Variants in KDM5C observed in about 807,000 individuals in gnomAD.
The protein encoded by KDM5C is lysine-specific demethylase 5C.
In KDM5C, 16 loss-of-function variants were observed where a neutral mutation model predicts 110.6. The observed-to-expected ratio is 0.14, with a 90% CI of 0.10 to 0.22. KDM5C has a LOEUF of 0.22. Ranked by LOEUF, KDM5C falls within the 10% of genes least tolerant of loss-of-function variation. The probability of loss-of-function intolerance (pLI) is 1.00; values close to 1 mark genes in which losing one functional copy is unlikely to be tolerated. For synonymous variants in KDM5C, 511 were observed against 520.4 expected, an observed-to-expected ratio of 0.98 and a Z score of 0.24; for missense variants, 681 against 1,300.9, an observed-to-expected ratio of 0.52 and a Z score of 7.33.
chrX:53,212,275 A>T, intron 8 of KDM5C: 1 of 179,736 alleles, frequency 5.6e-6, no homozygotes, highest in South Asian at 1.2e-4. Flanking sequence ...TTCTTCTGCC[A>T]CCATTTTTCC....
At chrX:53,183,262 CAAAAAAA>C (rs3045214) in intron 25 of KDM5C, among the ~76,000 whole-genome samples, 3 of 43,556 alleles carry the variant, frequency 6.9e-5, no homozygotes, top group African/African-American at 2.8e-4. Context: ...CCTGTCTCTA[CAAAAAAA>C]AAAAAAAAAA....
chrX:53,195,179 G>C (rs2146827654), intron 21 of KDM5C, 52 bp downstream of exon 21: 2 of 1,177,355 alleles, frequency 1.7e-6, no homozygotes. Context: ...CCATCTCACA[G>C]AAGCCAGGGC....
downstream of KDM5C, among the ~76,000 whole-genome samples, chrX:53,189,016 A>G (rs782779284): frequency 1.4e-4 from 16 of 112,479 alleles, 1 homozygote; most frequent in South Asian, 5.2e-3. Context: ...TGAGACCCTG[A>G]AACAGAAACT....
chrX:53,192,686 C>T lies in KDM5C; in HGVS notation c.*281G>A. ...GTGATGGCCCAGCCCCAGCCACCCCCCTGCCCACCAGCCCATCCATCTATC... is the reference window on the plus strand; with the variant it reads ...GTGATGGCCCAGCCCCAGCCACCCCTCTGCCCACCAGCCCATCCATCTATC... On this transcript the variant is annotated 3_prime_UTR_variant, in exon 26 of 26. Coordinates refer to ENST00000375401, the MANE Select transcript of KDM5C (RefSeq NM_004187.5). 1.8e-6 allele frequency: 2 copies of T among 1,137,781 alleles called. No individual in the cohort carries two copies. Among genetic ancestry groups the T allele is most frequent in the Admixed American group, 5.2e-5 (2 of 38,584 alleles). The allele number at this position is 1,137,781 out of a possible 1,213,427, so 93.8% of individuals were successfully genotyped here. A position where few individuals can be genotyped will look rare whatever the true frequency, so the allele number is the denominator to read the frequency against.
Position 53,217,847 on chromosome X carries a change from G to A in KDM5C, c.471C>T (p.Tyr157=), listed in dbSNP as rs782147874. Residue 157 remains tyrosine, a synonymous_variant, in exon 4 of 26, where the codon TAC becomes TAT. Coordinates refer to ENST00000375401, the MANE Select transcript of KDM5C (RefSeq NM_004187.5). ...TTTCATAGGGATAAACAATGCGTTC[G>A]TAGTGGGAGCGTAGCAAGGAGCCAA... is the stretch of plus-strand genomic sequence containing the variant. ...KNIGSLLRSH[Y]ERIVYPYEMY... The A allele has an allele frequency of 2.6e-5, 31 of 1,209,854 alleles. No homozygotes were observed. The highest frequency in any genetic ancestry group is 1.5e-4 in the East Asian group (5 of 33,763).
At chrX:53,185,140 C>A in intron 25 of KDM5C, among the ~76,000 whole-genome samples, 1 of 112,314 alleles carries the variant, frequency 8.9e-6, no homozygotes, top group Admixed American at 9.4e-5. Context: ...GGTCATTAAA[C>A]TTGTTTCCTC....
intron 22 of KDM5C, 78 bp from the exon 23 acceptor site, chrX:53,194,816 A>C (rs1934707086): frequency 1.7e-6 from 2 of 1,175,228 alleles, no homozygotes; most frequent in African/African-American, 1.9e-5. Flanking sequence ...TAACACCCCC[A>C]CTCCCAAACC....
chrX:53,210,988 T>C lies in KDM5C; in HGVS notation c.1402-131A>G. ...CTTTTTTGAAACATCTTAAGAAACA[T>C]ATAGGTTTTCTCCCTACCTCTCCAC... On this transcript the variant is annotated intron_variant, in intron 10 of 25. Coordinates refer to ENST00000375401, the MANE Select transcript of KDM5C (RefSeq NM_004187.5). The C allele has an allele frequency of 6.9e-6, 4 of 582,907 alleles. No individual in the cohort carries two copies. The South Asian group carries it at 7.6e-5, about 11-fold the overall frequency. 48.0% of individuals were successfully genotyped at this position (582,907 alleles called of 1,213,427 possible). A position where few individuals can be genotyped will look rare whatever the true frequency, so the allele number is the denominator to read the frequency against.
downstream of KDM5C, chrX:53,191,848 C>CA (rs1220064789): frequency 5.7e-6 from 1 of 175,347 alleles, no homozygotes; most frequent in South Asian, 3.0e-4. Context: ...AAGCCATTAA[C>CA]AAAAAAATCC....
chrX:53,183,262 CAAAAAAAA>C (rs3045214), intron 25 of KDM5C, among the ~76,000 whole-genome samples: 7 of 43,555 alleles, frequency 1.6e-4, no homozygotes, highest in African/African-American at 5.6e-4. Flanking sequence ...CCTGTCTCTA[CAAAAAAAA>C]AAAAAAAAAA....
At chrX:53,195,628 T>G in intron 20 of KDM5C, 1 of 487,295 alleles carries the variant, frequency 2.1e-6, no homozygotes, top group Non-Finnish European at 3.6e-6. Context: ...CTGTTGTGGT[T>G]TGCCTCTTCT....
At chrX:53,197,514 T>G (rs991332230) in intron 18 of KDM5C, 32 of 386,907 alleles carry the variant, frequency 8.3e-5, no homozygotes, top group Non-Finnish European at 1.8e-5. Flanking sequence ...TGTTACCTCC[T>G]TCTCCTCTAC....
intron 8 of KDM5C, chrX:53,212,290 T>G: frequency 5.9e-6 from 1 of 170,443 alleles, no homozygotes; most frequent in African/African-American, 3.1e-5. Context: ...TTTTCCTCTC[T>G]AGCTAAAATG....
chrX:53,210,338 C>T, intron 12 of KDM5C, 76 bp downstream of exon 12: 1 of 1,145,016 alleles, frequency 8.7e-7, no homozygotes. Flanking sequence ...CAGATGACAA[C>T]CACCGCCACC....
At chrX:53,198,188 C>T (rs1415956142) in intron 17 of KDM5C, among the ~76,000 whole-genome samples, 4 of 111,655 alleles carry the variant, frequency 3.6e-5, no homozygotes, top group Admixed American at 9.5e-5. Context: ...ACCCGTAAGC[C>T]TCCCACAACT....
At chrX:53,191,428 TG>T, downstream of KDM5C, 1 of 174,942 alleles carries the variant, frequency 5.7e-6, no homozygotes, top group Admixed American at 7.8e-5. Flanking sequence ...GTGATGAAAA[TG>T]TTCTGAAATT....
At chrX:53,212,038 C>T (rs1174594917) in intron 8 of KDM5C, 132 bp from the exon 9 acceptor site, 3 of 758,629 alleles carry the variant, frequency 4.0e-6, no homozygotes, top group African/African-American at 4.2e-5. Context: ...CTGAGGCAGG[C>T]CTTACTTTAC....
At chrX:53,205,398 T>C (rs897247303) in intron 12 of KDM5C, among the ~76,000 whole-genome samples, 17 of 112,327 alleles carry the variant, frequency 1.5e-4, no homozygotes, top group Non-Finnish European at 2.4e-4. Flanking sequence ...TCCGTCATAT[T>C]TTCTTCTCAA....
chrX:53,202,863 G>C (rs887423705), intron 12 of KDM5C: 1 of 108,657 alleles, frequency 9.2e-6, no homozygotes, highest in Admixed American at 9.7e-5. Context: ...TGCCGCCCAG[G>C]CTGGAGTGCA....
Sources: allele counts gnomAD v4.1 joint callset (sites outside exome capture counted in the v4.1 genomes callset), GRCh38; gene constraint gnomAD v4.1.1; transcripts MANE v1.5; gene names NCBI Gene and HGNC (gene_info 2026-07-23, HGNC 2026-07-21).